Variants in FLVCR2 observed in about 807,000 individuals in gnomAD.
FLVCR2 encodes choline/ethanolamine transporter FLVCR2.
A neutral mutation model predicts 48.9 loss-of-function variants in FLVCR2; 38 were observed. The observed-to-expected ratio is 0.78, with a 90% CI of 0.60 to 1.02. The LOEUF (loss-of-function observed/expected upper bound fraction) is 1.02, where lower values mean the gene tolerates loss of function less well. Among genes scored for constraint, FLVCR2 ranks in the 50% least tolerant of loss-of-function variants. The probability of loss-of-function intolerance (pLI) is 0.00; values close to 1 mark genes in which losing one functional copy is unlikely to be tolerated. For synonymous variants in FLVCR2, 255 were observed against 257.0 expected, an observed-to-expected ratio of 0.99 and a Z score of 0.07; for missense variants, 664 against 663.3, an observed-to-expected ratio of 1.00 and a Z score of -0.01.
chr14:75,584,911 C>CTATG (rs1888705030), intron 1 of FLVCR2, among the ~76,000 whole-genome samples: 1 of 152,230 alleles, frequency 6.6e-6, no homozygotes, highest in South Asian at 2.1e-4. Context: ...TGTACCCTGA[C>CTATG]TATGCCTTTA....
At chr14:75,640,357 G>A (rs1890280209) in intron 6 of FLVCR2, among the ~76,000 whole-genome samples, 1 of 151,084 alleles carries the variant, frequency 6.6e-6, no homozygotes, top group African/African-American at 2.4e-5. Flanking sequence ...AGGAGTCTTT[G>A]TTCAGCTCTG....
At chr14:75,642,550 G>A (rs965526211) in intron 9 of FLVCR2, among the ~76,000 whole-genome samples, 5 of 151,994 alleles carry the variant, frequency 3.3e-5, no homozygotes, top group Non-Finnish European at 7.4e-5. Flanking sequence ...ATGATGAAAG[G>A]AATTTCAAAT....
At chr14:75,594,151 A>G (rs1297319189) in intron 1 of FLVCR2, among the ~76,000 whole-genome samples, 1 of 151,770 alleles carries the variant, frequency 6.6e-6, no homozygotes, top group African/African-American at 2.4e-5. Flanking sequence ...CCAGTTTCCA[A>G]TACCTTGTTC....
chr14:75,601,767 C>A (rs2038946063), intron 1 of FLVCR2, among the ~76,000 whole-genome samples: 1 of 152,186 alleles, frequency 6.6e-6, no homozygotes, highest in South Asian at 2.1e-4. Flanking sequence ...AACTTGGAAG[C>A]AACCCAAGTG....
At chr14:75,644,124 C>T (rs559542798) in intron 9 of FLVCR2, among the ~76,000 whole-genome samples, 1 of 137,434 alleles carries the variant, frequency 7.3e-6, no homozygotes, top group African/African-American at 2.8e-5. Flanking sequence ...CAGTTTGGAA[C>T]GTGACGTATT....
chr14:75,640,291 T>C (rs138336780), intron 6 of FLVCR2, among the ~76,000 whole-genome samples: 2 of 149,182 alleles, frequency 1.3e-5, no homozygotes, highest in African/African-American at 2.5e-5. Context: ...GAAATTAAAG[T>C]TGGAATTTTC....
intron 1 of FLVCR2, among the ~76,000 whole-genome samples, chr14:75,612,684 C>T (rs182282954): frequency 1.8e-4 from 27 of 152,314 alleles, no homozygotes; most frequent in Non-Finnish European, 3.2e-4. Flanking sequence ...GGCTCATTCT[C>T]ATGATTAAGC....
rs971954832 is a variant in FLVCR2 at position 75,588,168 on chromosome 14, C to A, written c.669+8527C>A. Among the ~76,000 whole-genome samples the A allele has an allele frequency of 5.3e-5, 8 of 152,204 alleles. No homozygotes were observed. In the South Asian group the frequency reaches 1.0e-3, roughly 20 times the overall value. ...GTTTTATGCTGCTGTCACAGAATACCACAGACTGGGTAATTTGTAATGAAC... is the reference window on the plus strand; with the variant it reads ...GTTTTATGCTGCTGTCACAGAATACAACAGACTGGGTAATTTGTAATGAAC... On this transcript the variant is annotated intron_variant, in intron 1 of 9. Coordinates refer to ENST00000238667, the MANE Select transcript of FLVCR2 (RefSeq NM_017791.3).
intron 1 of FLVCR2, among the ~76,000 whole-genome samples, chr14:75,606,451 G>T (rs1036379360): frequency 1.3e-5 from 2 of 152,196 alleles, no homozygotes; most frequent in Admixed American, 6.5e-5. Flanking sequence ...GGACAGGTTT[G>T]TGGAGACACC....
chr14:75,621,272 G>T (rs1232108410), intron 1 of FLVCR2, among the ~76,000 whole-genome samples: 1 of 152,076 alleles, frequency 6.6e-6, no homozygotes, highest in Non-Finnish European at 1.5e-5. Flanking sequence ...TTAGCCAGGT[G>T]TGGCGCACGC....
At chr14:75,640,922 T>C (rs753406039) in intron 6 of FLVCR2, 33 bp from the exon 7 acceptor site, 44 of 1,486,524 alleles carry the variant, frequency 3.0e-5, no homozygotes, top group Non-Finnish European at 3.9e-5. Context: ...CTGGAAGTTC[T>C]TCATCCCCTT....
At chr14:75,642,300 T>C (rs1042200629) in intron 9 of FLVCR2, among the ~76,000 whole-genome samples, 1 of 152,164 alleles carries the variant, frequency 6.6e-6, no homozygotes, top group African/African-American at 2.4e-5. Context: ...CACTCTGTCA[T>C]GGCAGTGCTG....
chr14:75,593,652 A>C (rs1013786177), intron 1 of FLVCR2, among the ~76,000 whole-genome samples: 2 of 152,162 alleles, frequency 1.3e-5, no homozygotes, highest in African/African-American at 2.4e-5. Context: ...TTGGGGATAA[A>C]ATTTCAACAT....
chr14:75,605,254 T>C (rs932483136), intron 1 of FLVCR2, among the ~76,000 whole-genome samples: 5 of 152,174 alleles, frequency 3.3e-5, no homozygotes, highest in African/African-American at 1.2e-4. Context: ...ACCACCACCA[T>C]CACCATCACC....
intron 1 of FLVCR2, among the ~76,000 whole-genome samples, chr14:75,602,467 A>G (rs2140018858): frequency 6.6e-6 from 1 of 152,244 alleles, no homozygotes; most frequent in Middle Eastern, 3.4e-3. Context: ...AGGGCTACCT[A>G]TGTCACCTCA....
At chr14:75,603,333 G>A (rs1010114187) in intron 1 of FLVCR2, among the ~76,000 whole-genome samples, 2 of 152,174 alleles carry the variant, frequency 1.3e-5, no homozygotes, top group Admixed American at 6.5e-5. Flanking sequence ...GCAGAGAAGG[G>A]GAGAAGCATT....
intron 5 of FLVCR2, among the ~76,000 whole-genome samples, chr14:75,638,799 T>G (rs1594815657): frequency 6.6e-6 from 1 of 152,208 alleles, no homozygotes; most frequent in South Asian, 2.1e-4. Context: ...GCTTCATACT[T>G]TACTAGTCTT....
chr14:75,618,182 A>G (rs1388349443), intron 1 of FLVCR2, among the ~76,000 whole-genome samples: 1 of 152,200 alleles, frequency 6.6e-6, no homozygotes, highest in Admixed American at 6.5e-5. Context: ...CATGGAAAAT[A>G]GCTAGGAGCA....
chr14:75,617,759 T>G (rs567503288), intron 1 of FLVCR2, among the ~76,000 whole-genome samples: 1 of 152,338 alleles, frequency 6.6e-6, no homozygotes, highest in South Asian at 2.1e-4. Flanking sequence ...CCTGCCCTCA[T>G]GGAGCTTATA....
Sources: allele counts gnomAD v4.1 joint callset (sites outside exome capture counted in the v4.1 genomes callset), GRCh38; gene constraint gnomAD v4.1.1; transcripts MANE v1.5; gene names NCBI Gene and HGNC (gene_info 2026-07-23, HGNC 2026-07-21).